The following DNAH17 variants were observed in gnomAD, a reference collection of about 807,000 sequenced individuals.
The protein encoded by DNAH17 is axonemal beta dynein heavy chain 17.
In DNAH17, 376 loss-of-function variants were observed where a neutral mutation model predicts 485.6. That is an observed-to-expected ratio of 0.77 (90% CI 0.71 to 0.84). The LOEUF (loss-of-function observed/expected upper bound fraction) is 0.84. Among genes scored for constraint, DNAH17 ranks in the 40% least tolerant of loss-of-function variants. The probability of loss-of-function intolerance (pLI) is 0.00; values close to 1 mark genes in which losing one functional copy is unlikely to be tolerated. For missense variants in DNAH17, 6,370 were observed against 5,839.3 expected (o/e 1.09, Z -2.96); for synonymous variants, 3,031 against 2,405.9 (o/e 1.26, Z -7.60).
chr17:78,498,861 G>A (rs2090169547), intron 37 of DNAH17, 147 bp downstream of exon 37: 1 of 538,942 alleles, frequency 1.9e-6, no homozygotes, highest in Non-Finnish European at 3.2e-6. Flanking sequence ...GACCCTGGAG[G>A]GCAAGAGCTC....
chr17:78,537,910 G>A (rs572839461), intron 18 of DNAH17, among the ~76,000 whole-genome samples: 4 of 152,270 alleles, frequency 2.6e-5, no homozygotes, highest in East Asian at 1.9e-4. Context: ...AGGCCAAGGC[G>A]GGTGGATCAC....
In DNAH17 at chr17:78,550,242, A is replaced by G. The variant is rs142267509; in HGVS notation, c.2391+1293T>C. Reference sequence around the variant, plus strand: ...AACACAAGGAGGCACACGTCTGGACACTTTGGTGACATTTTCTGACCCTAA... The same window carrying G: ...AACACAAGGAGGCACACGTCTGGACGCTTTGGTGACATTTTCTGACCCTAA... On this transcript the variant is annotated intron_variant, in intron 16 of 80. Coordinates refer to ENST00000389840, the MANE Select transcript of DNAH17 (RefSeq NM_173628.4). Among the ~76,000 whole-genome samples, 300 of 96,660 alleles carry G rather than the reference A, an allele frequency of 3.1e-3. 2 individuals are homozygous for G. Among genetic ancestry groups the G allele is most frequent in the African/African-American group, 0.012 (282 of 24,344 alleles). 63.4% of individuals were successfully genotyped at this position (96,660 alleles called of 152,430 possible).
intron 11 of DNAH17, 96 bp downstream of exon 11, chr17:78,566,518 G>A (rs1247478455): frequency 3.3e-6 from 3 of 908,482 alleles, no homozygotes; most frequent in Middle Eastern, 2.9e-4. Context: ...AGCTCTACAT[G>A]GAGAGGATGA....
At chr17:78,572,932 C>T in intron 2 of DNAH17, 38 bp from the exon 3 acceptor site, 1 of 1,585,670 alleles carries the variant, frequency 6.3e-7, no homozygotes, top group Non-Finnish European at 8.6e-7. Flanking sequence ...CCCCCTGTGC[C>T]TTCACCAGCT....
At position 78,572,961 on chromosome 17, in the gene DNAH17, A is replaced by G. The variant is rs182437125; in HGVS notation, c.346-67T>C. 213 of 1,459,974 alleles carry G rather than the reference A, an allele frequency of 1.5e-4. 1 individual carries two copies. Among genetic ancestry groups the G allele is most frequent in the Non-Finnish European group, 1.9e-4 (206 of 1,074,338 alleles). The allele number at this position is 1,459,974 out of a possible 1,614,324, so 90.4% of individuals were successfully genotyped here. On this transcript the variant is annotated intron_variant, in intron 2 of 80. Transcript: ENST00000389840. ...ACCAGCTCGGCAACCGCACAGAGCC[A>G]GGTCCCCGGGGGGTTCCAAAGACCC... is the stretch of plus-strand genomic sequence containing the variant.
rs371109959 is a variant in DNAH17 at position 78,514,834 on chromosome 17, G to A, written c.4053C>T (p.Ser1351=). The A allele has an allele frequency of 1.8e-5, 29 of 1,613,916 alleles. No homozygotes were observed. The highest frequency in any genetic ancestry group is 1.6e-4 in the Middle Eastern group (1 of 6,084). The change falls in exon 26 of 81, where the codon AGC becomes AGT. Residue 1351 remains serine, a synonymous_variant. Transcript: ENST00000389840. ...CCCGAATGGCAGGGTTCTGCAGCTC[G>A]CTCACGGCACGCAGGGACGTGATCA... ...KNVITSLRAV[S]ELQNPAIRER...
chr17:78,429,735 A>G (rs1196957937), intron 75 of DNAH17, among the ~76,000 whole-genome samples: 1 of 152,138 alleles, frequency 6.6e-6, no homozygotes. Flanking sequence ...ATTTCAACAC[A>G]AGTGGTTTGA....
chr17:78,428,504 G>A (rs895088731), intron 77 of DNAH17, 21 bp downstream of exon 77: 4 of 1,575,186 alleles, frequency 2.5e-6, no homozygotes, highest in Non-Finnish European at 3.4e-6. Flanking sequence ...TCTCGCTTGG[G>A]AGCAGTTTCA....
At chr17:78,559,634 C>T (rs532108750) in intron 13 of DNAH17, among the ~76,000 whole-genome samples, 18 of 152,338 alleles carry the variant, frequency 1.2e-4, no homozygotes, top group South Asian at 4.1e-4. Flanking sequence ...GTTCAATCTA[C>T]GCACCTCACA....
At chr17:78,445,386 G>A (rs2087242799) in intron 70 of DNAH17, among the ~76,000 whole-genome samples, 172 bp downstream of exon 70, 1 of 152,198 alleles carries the variant, frequency 6.6e-6, no homozygotes, top group Non-Finnish European at 1.5e-5. Flanking sequence ...CTATCTGTGA[G>A]CTGGCAGCCA....
At chr17:78,482,090 TC>T (rs1327531354) in intron 48 of DNAH17, among the ~76,000 whole-genome samples, 7 of 87,084 alleles carry the variant, frequency 8.0e-5, no homozygotes, top group African/African-American at 2.8e-4. Context: ...TTTTTTTTTT[TC>T]CCCCGAGACA....
chr17:78,425,989 C>T (rs2086440241), intron 79 of DNAH17, among the ~76,000 whole-genome samples: 2 of 152,156 alleles, frequency 1.3e-5, no homozygotes, highest in Non-Finnish European at 2.9e-5. Flanking sequence ...TCTCGAACTC[C>T]TGGCTTCAAG....
At chr17:78,482,623 C>CCT (rs2089401983) in intron 48 of DNAH17, among the ~76,000 whole-genome samples, 2 of 152,246 alleles carry the variant, frequency 1.3e-5, no homozygotes, top group South Asian at 4.1e-4. Flanking sequence ...AGATGTTGTC[C>CCT]CTGTTTGCTT....
intron 55 of DNAH17, among the ~76,000 whole-genome samples, chr17:78,467,828 G>A (rs12449574): frequency 0.62 from 94,727 of 151,892 alleles, 30,612 homozygotes; most frequent in East Asian, 0.76. Context: ...GACCAGCCTG[G>A]CCACCATGGT....
Position 78,476,555 on chromosome 17 carries a change from T to A in DNAH17, c.8154+17A>T. On this transcript the variant is annotated intron_variant, in intron 52 of 80. Coordinates refer to ENST00000389840, the MANE Select transcript of DNAH17 (RefSeq NM_173628.4). ...GCCATTCTGGGCTCGGCAGAGGGACTGGGCAGCTTGACTTACATCAAAGAA... is the reference window on the plus strand; with the variant it reads ...GCCATTCTGGGCTCGGCAGAGGGACAGGGCAGCTTGACTTACATCAAAGAA... 1 of 1,603,058 alleles carries A rather than the reference T, an allele frequency of 6.2e-7. No individual in the cohort carries two copies.
At chr17:78,433,265 T>A (rs691317) in intron 75 of DNAH17, among the ~76,000 whole-genome samples, 24,896 of 152,132 alleles carry the variant, frequency 0.16, 2,162 homozygotes, top group Middle Eastern at 0.21. Flanking sequence ...CAGTTTATGG[T>A]TGGGGTGGCC....
chr17:78,544,057 TC>T, intron 16 of DNAH17, 60 bp from the exon 17 acceptor site: 5 of 1,607,974 alleles, frequency 3.1e-6, no homozygotes, highest in Non-Finnish European at 4.2e-6. Context: ...TCAGTCGCAG[TC>T]CTTTGCTGTG....
chr17:78,451,178 C>G (rs895135227), intron 66 of DNAH17, among the ~76,000 whole-genome samples: 7 of 152,220 alleles, frequency 4.6e-5, no homozygotes, highest in Non-Finnish European at 1.0e-4. Flanking sequence ...TGCAGGGCAG[C>G]GCTTTGGAGC....
rs375048616 is a variant in DNAH17, at chr17:78,486,410, C to G, written c.6915G>C (p.Lys2305Asn). 1 of 1,613,856 alleles carries G rather than the reference C, an allele frequency of 6.2e-7. No individual in the cohort carries two copies. Among genetic ancestry groups the G allele is most frequent in the African/African-American group, 1.3e-5 (1 of 75,058 alleles). ...FDKYLPTCLDKLRFGFKKITP... is the reference protein window; with the variant it reads ...FDKYLPTCLDNLRFGFKKITP... ...TGATCTTCTTGAACCCAAAGCGCAA[C>G]TTGTCCAGGCACGTGGGCAGGTACT... is the stretch of plus-strand genomic sequence containing the variant. Residue 2305 changes from lysine to asparagine, a missense_variant, in exon 45 of 81, where the codon AAG becomes AAC. By Grantham distance (94) the Lys-to-Asn change is moderately conservative. Transcript: ENST00000389840.
Sources: allele counts gnomAD v4.1 joint callset (sites outside exome capture counted in the v4.1 genomes callset), GRCh38; gene constraint gnomAD v4.1.1; transcripts MANE v1.5; gene names NCBI Gene and HGNC (gene_info 2026-07-23, HGNC 2026-07-21).